GABRG3: variants seen among roughly 807,000 people sequenced by gnomAD.
GABRG3 encodes the protein gamma-aminobutyric acid type A receptor subunit gamma3, also known as gamma-aminobutyric acid receptor subunit gamma-3.
GABRG3 carries 25 observed loss-of-function variants against 48.8 expected under a neutral mutation model. The observed-to-expected ratio is 0.51, with a 90% CI of 0.37 to 0.72. The LOEUF is 0.72. Ranked by LOEUF, GABRG3 falls within the 30% of genes least tolerant of loss-of-function variation. The pLI is 0.00. For missense variants in GABRG3, 394 were observed against 577.9 expected, an observed-to-expected ratio of 0.68 and a Z score of 3.26; for synonymous variants, 227 against 217.6, an observed-to-expected ratio of 1.04 and a Z score of -0.38.
chr15:27,099,863 A>G (rs1427501280), intron 3 of GABRG3, among the ~76,000 whole-genome samples: 1 of 152,162 alleles, frequency 6.6e-6, no homozygotes, highest in Non-Finnish European at 1.5e-5. Context: ...TACAGCCACT[A>G]AAGGGATAAG....
At chr15:27,092,059 C>T (rs780236013) in intron 3 of GABRG3, among the ~76,000 whole-genome samples, 8 of 152,142 alleles carry the variant, frequency 5.3e-5, no homozygotes, top group Non-Finnish European at 8.8e-5. Context: ...ACTTTTCTTA[C>T]GCACTCACTG....
At chr15:27,401,266 A>G (rs1887467090) in intron 5 of GABRG3, among the ~76,000 whole-genome samples, 1 of 152,166 alleles carries the variant, frequency 6.6e-6, no homozygotes, top group African/African-American at 2.4e-5. Flanking sequence ...GTGTATTAGT[A>G]GGATTATCGT....
chr15:27,219,269 C>T (rs1375867661), intron 3 of GABRG3, among the ~76,000 whole-genome samples: 6 of 152,088 alleles, frequency 3.9e-5, no homozygotes, highest in Admixed American at 1.3e-4. Flanking sequence ...GGCCTCAGGG[C>T]GGGCTGGCCT....
At chr15:27,018,545 T>C (rs889229563) in intron 2 of GABRG3, among the ~76,000 whole-genome samples, 4 of 152,164 alleles carry the variant, frequency 2.6e-5, no homozygotes, top group Non-Finnish European at 4.4e-5. Flanking sequence ...GCTGGCCTTC[T>C]TGAGATCACA....
chr15:27,287,494 TGAAA>T (rs1891652029), intron 3 of GABRG3, among the ~76,000 whole-genome samples: 1 of 152,298 alleles, frequency 6.6e-6, no homozygotes, highest in African/African-American at 2.4e-5. Flanking sequence ...TATATCTTCC[TGAAA>T]GAAATGAAAA....
At chr15:27,365,438 T>C (rs1332747146) in intron 5 of GABRG3, 1 of 152,214 alleles carries the variant, frequency 6.6e-6, no homozygotes, top group Non-Finnish European at 1.5e-5. Context: ...TGTCCTTTAA[T>C]CTGGCCTGGT....
At chr15:27,134,583 C>T (rs959108641) in intron 3 of GABRG3, among the ~76,000 whole-genome samples, 5 of 152,136 alleles carry the variant, frequency 3.3e-5, no homozygotes, top group Non-Finnish European at 1.5e-5. Context: ...CTGGCCTAGT[C>T]CCACCCATGC....
chr15:27,204,324 T>A (rs1165463312), intron 3 of GABRG3, among the ~76,000 whole-genome samples: 1 of 152,172 alleles, frequency 6.6e-6, no homozygotes, highest in East Asian at 1.9e-4. Context: ...CTATTGCTTG[T>A]TATTGTCAGC....
At position 27,532,698 on chromosome 15, in the gene GABRG3, G is replaced by A. The variant is rs1404072273; in HGVS notation, c.1221G>A (p.Glu407=). ...AATTTGAAGATACCTGTGTCTATGAGTGTCTGGATGGCAAAGACTGTCAGA... is the reference window on the plus strand; with the variant it reads ...AATTTGAAGATACCTGTGTCTATGAATGTCTGGATGGCAAAGACTGTCAGA... ...WQEFEDTCVY[E]CLDGKDCQSF... is the part of the protein sequence containing the mutation. The change falls in exon 10 of 10, where the codon GAG becomes GAA. Residue 407 remains glutamate (E), a synonymous_variant. Transcript: ENST00000615808. 1.2e-6 allele frequency: 2 copies of A among 1,613,996 alleles called. No homozygotes were observed. The highest frequency in any genetic ancestry group is 2.2e-5 in the East Asian group (1 of 44,884).
chr15:27,499,235 G>A (rs1890561142), intron 6 of GABRG3, among the ~76,000 whole-genome samples: 1 of 152,208 alleles, frequency 6.6e-6, no homozygotes, highest in Non-Finnish European at 1.5e-5. Context: ...TCAGATCAAT[G>A]AAGTGGTTCT....
chr15:27,135,698 A>G (rs1897996693), intron 3 of GABRG3, among the ~76,000 whole-genome samples: 1 of 152,134 alleles, frequency 6.6e-6, no homozygotes, highest in Non-Finnish European at 1.5e-5. Flanking sequence ...CGAGGTCAGG[A>G]GTTTGAGACC....
chr15:27,312,558 C>T (rs1469536362), intron 3 of GABRG3, among the ~76,000 whole-genome samples: 1 of 152,080 alleles, frequency 6.6e-6, no homozygotes, highest in African/African-American at 2.4e-5. Flanking sequence ...CAAGTTGTCA[C>T]ACACAAGGAC....
intron 5 of GABRG3, among the ~76,000 whole-genome samples, chr15:27,331,220 T>A (rs1261574153): frequency 6.6e-6 from 1 of 152,122 alleles, no homozygotes; most frequent in Non-Finnish European, 1.5e-5. Context: ...TACTATATGA[T>A]CCAGAATTTG....
At chr15:27,113,782 G>A (rs1897595279) in intron 3 of GABRG3, among the ~76,000 whole-genome samples, 1 of 152,210 alleles carries the variant, frequency 6.6e-6, no homozygotes, top group African/African-American at 2.4e-5. Flanking sequence ...TTTAATCGCA[G>A]GTGGGGATGT....
intron 5 of GABRG3, among the ~76,000 whole-genome samples, chr15:27,375,836 C>T (rs1043393829): frequency 6.6e-6 from 1 of 152,144 alleles, no homozygotes; most frequent in African/African-American, 2.4e-5. Flanking sequence ...CCACCCCTAG[C>T]CCCTCCGAAA....
intron 3 of GABRG3, among the ~76,000 whole-genome samples, chr15:27,320,118 C>T (rs1160076679): frequency 6.6e-6 from 1 of 152,146 alleles, no homozygotes; most frequent in Non-Finnish European, 1.5e-5. Context: ...AAGGACCCCT[C>T]ACTAGCAGAA....
Position 27,537,923 on chromosome 15 carries a change from T to C in GABRG3, c.*5042T>C, listed in dbSNP as rs1447437628. 1 of 152,020 alleles carries C rather than the reference T, an allele frequency of 6.6e-6. No homozygotes were observed. Among genetic ancestry groups the C allele is most frequent in the Admixed American group, 6.6e-5 (1 of 15,260 alleles). The allele number at this position is 152,020 out of a possible 1,614,324, so 9.4% of individuals were successfully genotyped here. ...GGCGCCATCTCGGCTCACTGCAACC[T>C]CCACCTCCCGGGTTCAAGCAATTCT... On this transcript the variant is annotated 3_prime_UTR_variant, in exon 10 of 10. Coordinates refer to ENST00000615808, the MANE Select transcript of GABRG3 (RefSeq NM_033223.5).
intron 5 of GABRG3, among the ~76,000 whole-genome samples, chr15:27,434,867 G>A (rs1449001524): frequency 6.6e-6 from 1 of 152,182 alleles, no homozygotes; most frequent in Non-Finnish European, 1.5e-5. Flanking sequence ...CCTTTGGCAA[G>A]TAGCTGGAGT....
rs748289522 is a variant in GABRG3 at position 27,264,060 on chromosome 15, C to A, written c.271-62749C>A. Among the ~76,000 whole-genome samples, 7 of 152,132 alleles carry A rather than the reference C, an allele frequency of 4.6e-5. No individual in the cohort carries two copies. In the East Asian group the frequency reaches 7.7e-4, roughly 17 times the overall value. On this transcript the variant is annotated intron_variant, in intron 3 of 9. Transcript: ENST00000615808. ...AGGGCCGCTCCCTTGAGCTGAGAGACTGTTGGGCAAGGGAGGGGCACAGAG... is the reference window on the plus strand; with the variant it reads ...AGGGCCGCTCCCTTGAGCTGAGAGAATGTTGGGCAAGGGAGGGGCACAGAG...
Sources: allele counts gnomAD v4.1 joint callset (sites outside exome capture counted in the v4.1 genomes callset), GRCh38; gene constraint gnomAD v4.1.1; transcripts MANE v1.5; gene names NCBI Gene and HGNC (gene_info 2026-07-23, HGNC 2026-07-21).